Variants in TRABD2B observed in about 807,000 individuals in gnomAD.
TRABD2B encodes metalloprotease TIKI2.
A neutral mutation model predicts 40.1 loss-of-function variants in TRABD2B; 14 were observed. The observed-to-expected ratio is 0.35, with a 90% CI of 0.23 to 0.55. TRABD2B has a LOEUF of 0.55. TRABD2B is among the 20% of genes least tolerant of loss of function. TRABD2B has a pLI of 0.90. For missense variants in TRABD2B, 541 were observed against 648.6 expected (o/e 0.83, Z 1.80); for synonymous variants, 263 against 277.0 (o/e 0.95, Z 0.50).
intron 2 of TRABD2B, among the ~76,000 whole-genome samples, chr1:47,970,027 C>T (rs1645658581): frequency 6.6e-6 from 1 of 152,122 alleles, no homozygotes; most frequent in African/African-American, 2.4e-5. Context: ...TCTTCAGGCT[C>T]TATCCAGCCC....
chr1:47,940,052 T>A (rs1281566426), intron 2 of TRABD2B, among the ~76,000 whole-genome samples: 1 of 152,172 alleles, frequency 6.6e-6, no homozygotes, highest in Non-Finnish European at 1.5e-5. Flanking sequence ...TTCCCCACCA[T>A]CCCTGATGCA....
At chr1:47,834,407 T>C (rs541305184) in intron 2 of TRABD2B, among the ~76,000 whole-genome samples, 1 of 152,306 alleles carries the variant, frequency 6.6e-6, no homozygotes, top group African/African-American at 2.4e-5. Flanking sequence ...CATGCAAGCA[T>C]AGGGCTGTGT....
chr1:47,874,564 G>A (rs1296659380), intron 2 of TRABD2B, among the ~76,000 whole-genome samples: 5 of 114,426 alleles, frequency 4.4e-5, no homozygotes, highest in East Asian at 3.4e-4. Flanking sequence ...GAGCCACCGC[G>A]CCCGGCCTTT....
At chr1:47,903,438 G>C (rs1343065684) in intron 2 of TRABD2B, among the ~76,000 whole-genome samples, 1 of 152,040 alleles carries the variant, frequency 6.6e-6, no homozygotes, top group African/African-American at 2.4e-5. Context: ...AAGAAAAACG[G>C]TTGGGAATCA....
rs752234837 is a variant in TRABD2B at position 47,994,289 on chromosome 1, C to T, written c.411G>A (p.Thr137=). ...YVKLMMPSWM[T]PAQRGKGLYA... The stretch of plus-strand genomic sequence containing the variant: ...AGAGCCCCTTGCCCCGCTGAGCGGG[C>T]GTCATCCAGGAGGGCATCATCAACT... The change falls in exon 2 of 7, where the codon ACG becomes ACA. Residue 137 remains threonine, a synonymous_variant. Coordinates refer to ENST00000606738, the MANE Select transcript of TRABD2B (RefSeq NM_001194986.2). This position sits in a 1 kb window ranked among gnomAD's most constrained non-coding sequence, Gnocchi z 6.7. The T allele has an allele frequency of 7.7e-5, 118 of 1,536,464 alleles. No individual in the cohort carries two copies. The highest frequency in any genetic ancestry group is 9.4e-5 in the Non-Finnish European group (108 of 1,146,990).
At position 47,794,693 on chromosome 1, in the gene TRABD2B, T is replaced by C; in HGVS notation, c.881A>G (p.Tyr294Cys). 6.5e-7 allele frequency: 1 copy of C among 1,536,336 alleles called. No individual in the cohort carries two copies. Among genetic ancestry groups the C allele is most frequent in the Non-Finnish European group, 8.7e-7 (1 of 1,146,824 alleles). Reference protein sequence around the residue: ...EQVTAQEIDSYFRQELIYKRN... With the variant: ...EQVTAQEIDSCFRQELIYKRN... The stretch of plus-strand genomic sequence containing the variant: ...CTTGTAGATGAGCTCCTGGCGGAAG[T>C]AGCTGTCAATCTCCTGGGCCGTCAC... The change falls in exon 4 of 7, where the codon TAC becomes TGC. Residue 294 changes from tyrosine to cysteine, a missense_variant. Tyr to Cys is a radical substitution (Grantham distance 194). Around this residue, in one of 2 missense-constraint regions of TRABD2B, gnomAD observed 369 missense variants for 492.8 expected, o/e 0.75. Transcript: ENST00000606738.
chr1:47,963,423 C>T (rs1440182540), intron 2 of TRABD2B, among the ~76,000 whole-genome samples: 1 of 152,314 alleles, frequency 6.6e-6, no homozygotes, highest in East Asian at 1.9e-4. Context: ...CTGCCAGGAG[C>T]TGCCTCTTAG....
intron 2 of TRABD2B, among the ~76,000 whole-genome samples, chr1:47,988,288 T>C (rs950163480): frequency 1.3e-5 from 2 of 152,182 alleles, no homozygotes; most frequent in Admixed American, 1.3e-4. Context: ...AGGTGCTCTG[T>C]GCCTCAGTTT....
chr1:47,989,268 G>A (rs1407880400), intron 2 of TRABD2B, among the ~76,000 whole-genome samples: 1 of 152,188 alleles, frequency 6.6e-6, no homozygotes, highest in Admixed American at 6.5e-5. Context: ...CTTATAGGAT[G>A]GAAAGGAGCT....
At position 47,805,542 on chromosome 1, in the gene TRABD2B, T is replaced by A. The variant is rs117162758; in HGVS notation, c.667-3923A>T. ...CACTGAATTGTCCCTGTTCTCTGCC[T>A]CTCTGTTTCCTGCTGAATCCCAATG... On this transcript the variant is annotated intron_variant, in intron 2 of 6. Transcript: ENST00000606738. Among the ~76,000 whole-genome samples, 74 of 152,216 alleles carry A rather than the reference T, an allele frequency of 4.9e-4. 1 individual carries two copies. The East Asian group carries it at 0.01, about 21-fold the overall frequency.
chr1:47,909,559 AAGGAGGAGGAGGAGG>A (rs71056647), intron 2 of TRABD2B, among the ~76,000 whole-genome samples: 32 of 117,418 alleles, frequency 2.7e-4, no homozygotes, highest in East Asian at 8.5e-4. Flanking sequence ...AAGAAGGAAG[AAGGAGGAGGAGGAGG>A]AGGAGGAGGA....
chr1:47,831,832 C>G (rs1050942003), intron 2 of TRABD2B, among the ~76,000 whole-genome samples: 6 of 152,276 alleles, frequency 3.9e-5, no homozygotes, highest in Admixed American at 3.3e-4. Flanking sequence ...TCTTGCCAGG[C>G]TTCTTCTTCC....
intron 2 of TRABD2B, among the ~76,000 whole-genome samples, chr1:47,806,737 G>A (rs937989353): frequency 3.3e-5 from 5 of 152,198 alleles, no homozygotes; most frequent in African/African-American, 1.2e-4. Context: ...CAGGAGGGTG[G>A]GAACAGGTTT....
chr1:47,876,837 G>C (rs1644232221), intron 2 of TRABD2B, among the ~76,000 whole-genome samples: 1 of 152,162 alleles, frequency 6.6e-6, no homozygotes, highest in Non-Finnish European at 1.5e-5. Context: ...CAGGCACTGG[G>C]CTACATGCTA....
chr1:47,832,104 G>A (rs1406797159), intron 2 of TRABD2B, among the ~76,000 whole-genome samples: 6 of 152,136 alleles, frequency 3.9e-5, no homozygotes, highest in African/African-American at 1.2e-4. Context: ...AGGCCAAGGC[G>A]CGCGGATCAC....
At chr1:47,777,233 G>C (rs1644459841) in intron 5 of TRABD2B, among the ~76,000 whole-genome samples, 1 of 152,214 alleles carries the variant, frequency 6.6e-6, no homozygotes, top group African/African-American at 2.4e-5. Flanking sequence ...TGAGGGGAGA[G>C]GAGGGAAACT....
At chr1:47,782,210 C>G (rs750729753) in intron 4 of TRABD2B, among the ~76,000 whole-genome samples, 1 of 152,208 alleles carries the variant, frequency 6.6e-6, no homozygotes, top group Non-Finnish European at 1.5e-5. Flanking sequence ...TGCGTCTCAA[C>G]CAGGCTCTGC....
chr1:47,809,725 C>CTG (rs893184288), intron 2 of TRABD2B, among the ~76,000 whole-genome samples: 2 of 152,220 alleles, frequency 1.3e-5, no homozygotes, highest in African/African-American at 4.8e-5. Context: ...GCACTGAATC[C>CTG]TGTCTCCGGA....
At chr1:47,937,847 C>T (rs868681175) in intron 2 of TRABD2B, among the ~76,000 whole-genome samples, 1 of 152,182 alleles carries the variant, frequency 6.6e-6, no homozygotes, top group Admixed American at 6.5e-5. Flanking sequence ...ATTCCAACCC[C>T]GATACCCAGG....
Sources: allele counts gnomAD v4.1 joint callset (sites outside exome capture counted in the v4.1 genomes callset), GRCh38; gene constraint gnomAD v4.1.1; regional missense constraint gnomAD v4.1.1; non-coding constraint Gnocchi (gnomAD v3.1); transcripts MANE v1.5; gene names NCBI Gene and HGNC (gene_info 2026-07-23, HGNC 2026-07-21).